GRIN2A: variants seen among roughly 807,000 people sequenced by gnomAD.
The protein encoded by GRIN2A is glutamate ionotropic receptor NMDA type subunit 2A, also known as glutamate receptor ionotropic, NMDA 2A.
A neutral mutation model predicts 113.4 loss-of-function variants in GRIN2A; 22 were observed. The observed-to-expected ratio is 0.19, with a 90% CI of 0.14 to 0.28. The LOEUF is 0.28. Ranked by LOEUF, GRIN2A falls within the 10% of genes least tolerant of loss-of-function variation. The probability of loss-of-function intolerance (pLI) is 1.00; values close to 1 mark genes in which losing one functional copy is unlikely to be tolerated. For missense variants in GRIN2A, 1,502 were observed against 1,887.0 expected, an observed-to-expected ratio of 0.80 and a Z score of 3.78; for synonymous variants, 827 against 738.4, an observed-to-expected ratio of 1.12 and a Z score of -1.94.
At position 9,761,740 on chromosome 16, in the gene GRIN2A, A is replaced by C. The variant is rs1204662559; in HGVS notation, c.*1409T>G. On this transcript the variant is annotated 3_prime_UTR_variant, in exon 13 of 13. Coordinates refer to ENST00000330684, the MANE Select transcript of GRIN2A (RefSeq NM_001134407.3). The stretch of plus-strand genomic sequence containing the variant: ...TTAAAAAAAAAATGGATATCATTTC[A>C]TGTCATATATGCACAGGTTTGAGGA... 4.6e-6 allele frequency: 1 copy of C among 217,420 alleles called. No homozygotes were observed. Among genetic ancestry groups the C allele is most frequent in the African/African-American group, 2.2e-5 (1 of 44,528 alleles). The allele number at this position is 217,420 out of a possible 1,614,324, so 13.5% of individuals were successfully genotyped here.
intron 2 of GRIN2A, among the ~76,000 whole-genome samples, chr16:10,148,695 A>AT (rs1378682785): frequency 7.2e-5 from 11 of 152,234 alleles, no homozygotes; most frequent in African/African-American, 2.7e-4. Flanking sequence ...TAAAGCTAAC[A>AT]TATGACCCAG....
chr16:10,025,515 T>C (rs2046804106), intron 2 of GRIN2A, among the ~76,000 whole-genome samples: 1 of 152,138 alleles, frequency 6.6e-6, no homozygotes, highest in South Asian at 2.1e-4. Flanking sequence ...TTCCCCAGGC[T>C]GGTCTTGAAC....
chr16:9,817,847 C>A (rs1379233446), intron 10 of GRIN2A, among the ~76,000 whole-genome samples: 1 of 152,142 alleles, frequency 6.6e-6, no homozygotes, highest in Non-Finnish European at 1.5e-5. Flanking sequence ...GCAGTGAGAC[C>A]CAGCAGCTGA....
chr16:10,092,391 T>G (rs1437465649), intron 2 of GRIN2A, among the ~76,000 whole-genome samples: 1 of 152,140 alleles, frequency 6.6e-6, no homozygotes, highest in Non-Finnish European at 1.5e-5. Flanking sequence ...ACGTTAGCAG[T>G]CGGAATACAG....
intron 4 of GRIN2A, among the ~76,000 whole-genome samples, chr16:9,883,658 G>A (rs372989090): frequency 1.6e-4 from 25 of 152,312 alleles, no homozygotes; most frequent in African/African-American, 5.3e-4. Context: ...AAACATATCC[G>A]TGGGAGGAAG....
At chr16:10,032,611 A>G (rs1293067111) in intron 2 of GRIN2A, among the ~76,000 whole-genome samples, 1 of 152,140 alleles carries the variant, frequency 6.6e-6, no homozygotes, top group Non-Finnish European at 1.5e-5. Context: ...TCCCCATTTC[A>G]CAGACGAGGA....
chr16:10,180,370 G>A lies in GRIN2A; in HGVS notation c.42C>T (p.Ala14=). 6.2e-7 allele frequency: 1 copy of A among 1,608,082 alleles called. No homozygotes were observed. The highest frequency in any genetic ancestry group is 1.1e-5 in the South Asian group (1 of 91,070). ...VGYWTLLVLP[A]LLVWRGPAPS... is the part of the protein sequence containing the mutation. ...GCGCCGGACCGCGCCAGACCAGAAG[G>A]GCCGGCAGCACCAGCAGGGTCCAAT... is the stretch of plus-strand genomic sequence containing the variant. The change falls in exon 2 of 13, where the codon GCC becomes GCT. Residue 14 remains alanine, a synonymous_variant. Coordinates refer to ENST00000330684, the MANE Select transcript of GRIN2A (RefSeq NM_001134407.3). This position sits in a 1 kb window ranked among gnomAD's most constrained non-coding sequence, Gnocchi z 7.0.
intron 10 of GRIN2A, among the ~76,000 whole-genome samples, chr16:9,821,535 C>G (rs971881088): frequency 1.1e-4 from 16 of 152,198 alleles, no homozygotes; most frequent in Non-Finnish European, 1.9e-4. Context: ...CTAACCTTTA[C>G]AATAAATAAC....
At chr16:10,036,190 G>T (rs1003923773) in intron 2 of GRIN2A, among the ~76,000 whole-genome samples, 1 of 152,120 alleles carries the variant, frequency 6.6e-6, no homozygotes, top group Non-Finnish European at 1.5e-5. Context: ...TTGTGTGATT[G>T]GTATTAGCAT....
chr16:10,102,239 A>C (rs952314615), intron 2 of GRIN2A, among the ~76,000 whole-genome samples: 7 of 152,282 alleles, frequency 4.6e-5, no homozygotes, highest in African/African-American at 7.2e-5. Context: ...CAGATCCCTC[A>C]TGAACAGCCT....
intron 2 of GRIN2A, among the ~76,000 whole-genome samples, chr16:10,138,336 G>A (rs1178963919): frequency 6.6e-6 from 1 of 152,182 alleles, no homozygotes; most frequent in African/African-American, 2.4e-5. Flanking sequence ...ATAAGGAACA[G>A]AGGTTTAATT....
chr16:9,973,111 C>T (rs1011123160), intron 2 of GRIN2A, among the ~76,000 whole-genome samples: 4 of 152,126 alleles, frequency 2.6e-5, no homozygotes, highest in Non-Finnish European at 5.9e-5. Context: ...GATGAAGGGT[C>T]TGCAAAATAT....
chr16:9,826,804 A>G (rs1266400578), intron 9 of GRIN2A, among the ~76,000 whole-genome samples: 2 of 152,142 alleles, frequency 1.3e-5, no homozygotes, highest in East Asian at 1.9e-4. Flanking sequence ...CAAGTCAGTG[A>G]AGGTCAGTCA....
chr16:10,057,971 G>A (rs566960233), intron 2 of GRIN2A, among the ~76,000 whole-genome samples: 3 of 152,082 alleles, frequency 2.0e-5, no homozygotes, highest in Admixed American at 6.6e-5. Flanking sequence ...AATAAAATAC[G>A]TGGCCGGGTG....
intron 2 of GRIN2A, among the ~76,000 whole-genome samples, chr16:10,018,642 T>A (rs1275892777): frequency 5.3e-5 from 8 of 152,148 alleles, no homozygotes; most frequent in Admixed American, 5.2e-4. Flanking sequence ...GGAAACTCTA[T>A]CCAGGGAGGT....
At chr16:10,043,511 G>C (rs773095038) in intron 2 of GRIN2A, among the ~76,000 whole-genome samples, 4 of 152,166 alleles carry the variant, frequency 2.6e-5, no homozygotes, top group Non-Finnish European at 5.9e-5. Flanking sequence ...GACAGGTCTT[G>C]ATGTGATTTT....
intron 10 of GRIN2A, among the ~76,000 whole-genome samples, chr16:9,800,804 C>T (rs79411492): frequency 0.032 from 4,939 of 152,166 alleles, 273 homozygotes; most frequent in African/African-American, 0.11. Context: ...AGCTGTCATA[C>T]GTAACCTGGA....
chr16:10,050,374 G>T (rs2047337135), intron 2 of GRIN2A, among the ~76,000 whole-genome samples: 1 of 152,092 alleles, frequency 6.6e-6, no homozygotes, highest in Admixed American at 6.6e-5. Context: ...AGCAAGTGAA[G>T]CTTTATCTGT....
intron 2 of GRIN2A, among the ~76,000 whole-genome samples, chr16:10,024,582 T>C (rs2046785898): frequency 6.6e-6 from 1 of 152,242 alleles, no homozygotes; most frequent in Non-Finnish European, 1.5e-5. Flanking sequence ...CATTACCACG[T>C]CTTCTCTGTC....
Sources: allele counts gnomAD v4.1 joint callset (sites outside exome capture counted in the v4.1 genomes callset), GRCh38; gene constraint gnomAD v4.1.1; non-coding constraint Gnocchi (gnomAD v3.1); transcripts MANE v1.5; gene names NCBI Gene and HGNC (gene_info 2026-07-23, HGNC 2026-07-21).